ZBTB40: variants seen among roughly 807,000 people sequenced by gnomAD.
The protein encoded by ZBTB40 is zinc finger and BTB domain-containing protein 40.
A neutral mutation model predicts 117.5 loss-of-function variants in ZBTB40; 60 were observed. That is an observed-to-expected ratio of 0.51 (90% confidence interval 0.41 to 0.63). ZBTB40 has a LOEUF of 0.63. Among genes scored for constraint, ZBTB40 ranks in the 30% least tolerant of loss-of-function variants. The pLI is 0.00. For synonymous variants in ZBTB40, 525 were observed against 577.1 expected, an observed-to-expected ratio of 0.91 and a Z score of 1.29; for missense variants, 1,287 against 1,498.5, an observed-to-expected ratio of 0.86 and a Z score of 2.33.
intron 14 of ZBTB40, among the ~76,000 whole-genome samples, chr1:22,520,797 T>A (rs1250336470): frequency 1.3e-5 from 2 of 152,206 alleles, no homozygotes; most frequent in Non-Finnish European, 2.9e-5. Flanking sequence ...AAAAGAATGG[T>A]CCTTGTGGCA....
At position 22,524,353 on chromosome 1, in the gene ZBTB40, C is replaced by T. The variant is rs1639618785; in HGVS notation, c.3434C>T (p.Thr1145Ile). 1 of 1,614,186 alleles carries T rather than the reference C, an allele frequency of 6.2e-7. No homozygotes were observed. Among genetic ancestry groups the T allele is most frequent in the East Asian group, 2.2e-5 (1 of 44,882 alleles). The change falls in exon 17 of 18, where the codon ACC becomes ATC. Residue 1145 changes from threonine to isoleucine, a missense_variant. Coordinates refer to ENST00000375647, the MANE Select transcript of ZBTB40 (RefSeq NM_014870.4). ...FPCELCGELFTSQAQLDSHLE... is the reference protein window; with the variant it reads ...FPCELCGELFISQAQLDSHLE... ...TGTGAGCTCTGTGGGGAACTCTTCA[C>T]CTCCCAGGCCCAGCTTGACAGTCAC...
rs996334540 is a variant in ZBTB40 at position 22,511,272 on chromosome 1, A to G, written c.1927A>G (p.Ile643Val). The change falls in exon 10 of 18, where the codon ATA (isoleucine) becomes GTA (valine). Residue 643 changes from isoleucine (I) to valine (V), a missense_variant. Transcript: ENST00000375647. ...AMEKSVPAIE[I>V]CHLLCSVHKS... ...GGAAAAATCAGTCCCGGCCATTGAA[A>G]TATGCCACCTCCTGTGCAGTGTCCA... 4 of 1,613,904 alleles carry G rather than the reference A, an allele frequency of 2.5e-6. No individual in the cohort carries two copies. The Admixed American group carries it at 5.0e-5, about 20-fold the overall frequency.
upstream of ZBTB40, among the ~76,000 whole-genome samples, chr1:22,450,369 G>A (rs1206732422): frequency 6.6e-6 from 1 of 152,202 alleles, no homozygotes; most frequent in Non-Finnish European, 1.5e-5. Flanking sequence ...GTGGAAATGA[G>A]GGCTTAGGAG....
chr1:22,473,122 ATTG>A (rs1311426335), intron 1 of ZBTB40, among the ~76,000 whole-genome samples: 2 of 152,188 alleles, frequency 1.3e-5, no homozygotes, highest in East Asian at 3.8e-4. Context: ...GAGATTAGGT[ATTG>A]TTGTACAGCA....
rs1341621265 is a variant in ZBTB40, at chr1:22,513,216, C to T, written c.2668+86C>T. The T allele has an allele frequency of 2.9e-5, 42 of 1,440,250 alleles. No homozygotes were observed. The highest frequency in any genetic ancestry group is 2.2e-4 in the Middle Eastern group (1 of 4,592). The allele number at this position is 1,440,250 out of a possible 1,614,324, so 89.2% of individuals were successfully genotyped here. A position where few individuals can be genotyped will look rare whatever the true frequency, so the allele number is the denominator to read the frequency against. The stretch of plus-strand genomic sequence containing the variant: ...TTTGGATTAGGTGTGATATATATCT[C>T]AAAAACAAAACAATTTGATAGCACA... On this transcript the variant is annotated intron_variant, in intron 12 of 17. Transcript: ENST00000375647. This position sits in a 1 kb window ranked among gnomAD's most constrained non-coding sequence, Gnocchi z 4.9.
intron 1 of ZBTB40, among the ~76,000 whole-genome samples, chr1:22,468,268 G>A (rs1022273214): frequency 3.3e-5 from 5 of 152,006 alleles, no homozygotes; most frequent in African/African-American, 9.7e-5. Flanking sequence ...GTTCAAGTTA[G>A]TTCTGCCAAA....
At position 22,520,077 on chromosome 1, in the gene ZBTB40, T is replaced by C. The variant is rs756932706; in HGVS notation, c.2850T>C (p.Tyr950=). 2.2e-5 allele frequency: 36 copies of C among 1,614,104 alleles called. No homozygotes were observed. The highest frequency in any genetic ancestry group is 2.9e-5 in the Non-Finnish European group (34 of 1,180,032). Residue 950 remains tyrosine, a synonymous_variant, in exon 14 of 18, where the codon TAT becomes TAC. Transcript: ENST00000375647. ...TGAAACTAGACATAGAAGATCCTTA[T>C]GACTGCAAGAAGTGCAGGATGAGTT... ...LHTFHNIEDP[Y]DCKKCRMSFP... is the part of the protein sequence containing the mutation.
At chr1:22,499,546 G>A (rs371229768) in intron 3 of ZBTB40, among the ~76,000 whole-genome samples, 2 of 152,118 alleles carry the variant, frequency 1.3e-5, no homozygotes, top group African/African-American at 2.4e-5. Context: ...TTCAACTGAC[G>A]TCTTCATTTT....
chr1:22,471,486 A>G (rs1641402775), intron 1 of ZBTB40, among the ~76,000 whole-genome samples: 1 of 152,242 alleles, frequency 6.6e-6, no homozygotes, highest in South Asian at 2.1e-4. Flanking sequence ...CTTGCTTGAC[A>G]TTAGTTTCCT....
At chr1:22,465,420 G>T (rs1641230320) in intron 1 of ZBTB40, among the ~76,000 whole-genome samples, 1 of 152,172 alleles carries the variant, frequency 6.6e-6, no homozygotes, top group Non-Finnish European at 1.5e-5. Context: ...TGCGGTATGT[G>T]CCAGTTGGCC....
At position 22,513,054 on chromosome 1, in the gene ZBTB40, C is replaced by A. The variant is rs1405571580; in HGVS notation, c.2592C>A (p.Phe864Leu). The change falls in exon 12 of 18, where the codon TTC becomes TTA. Residue 864 changes from phenylalanine (F) to leucine (L), a missense_variant. Phe to Leu is a conservative substitution (Grantham distance 22, BLOSUM62 0). Coordinates refer to ENST00000375647, the MANE Select transcript of ZBTB40 (RefSeq NM_014870.4). This position sits in a 1 kb window ranked among gnomAD's most constrained non-coding sequence, Gnocchi z 4.9. Reference sequence around the variant, plus strand: ...GCCTTCACACCGGGGACCGCCCGTTCATGTGCAAGCACTGCCTCATGACCT... The same window carrying A: ...GCCTTCACACCGGGGACCGCCCGTTAATGTGCAAGCACTGCCTCATGACCT... Reference protein sequence around the residue: ...HLRLHTGDRPFMCKHCLMTFT... With the variant: ...HLRLHTGDRPLMCKHCLMTFT... 6.2e-7 allele frequency: 1 copy of A among 1,614,066 alleles called. No individual in the cohort carries two copies. Among genetic ancestry groups the A allele is most frequent in the African/African-American group, 1.3e-5 (1 of 74,920 alleles).
intron 5 of ZBTB40, among the ~76,000 whole-genome samples, chr1:22,503,715 A>G (rs1413473481): frequency 6.6e-6 from 1 of 152,260 alleles, no homozygotes; most frequent in East Asian, 1.9e-4. Flanking sequence ...TCTTAGAGAA[A>G]GAAAATATAC....
Position 22,491,401 on chromosome 1 carries a change from A to T in ZBTB40, c.699A>T (p.Gly233=), listed in dbSNP as rs776271492. Residue 233 remains glycine, a splice_region_variant and synonymous_variant, in exon 3 of 18, where the codon GGA becomes GGT. Transcript: ENST00000375647. The part of the protein sequence containing the change: ...SEAKKTSTEP[G]CERKHYQLNF... ...TGTTTTATTTTGTTCTACATTTAGG[A>T]TGTGAAAGGAAACACTACCAGCTGA... 6.2e-7 allele frequency: 1 copy of T among 1,613,782 alleles called. No homozygotes were observed. The highest frequency in any genetic ancestry group is 8.5e-7 in the Non-Finnish European group (1 of 1,179,840).
At chr1:22,448,749 G>T (rs977033221), upstream of ZBTB40, among the ~76,000 whole-genome samples, 11 of 152,166 alleles carry the variant, frequency 7.2e-5, no homozygotes, top group Non-Finnish European at 1.6e-4. Flanking sequence ...GGAAGAAAGA[G>T]TGAGATAAAT....
chr1:22,432,856 T>C (rs1398140767), intron 1 of ZBTB40, among the ~76,000 whole-genome samples: 1 of 152,242 alleles, frequency 6.6e-6, no homozygotes, highest in Non-Finnish European at 1.5e-5. Context: ...CCAGAGCCAA[T>C]TCTGGTCACA....
chr1:22,435,323 G>T (rs1202000542), intron 1 of ZBTB40, among the ~76,000 whole-genome samples: 1 of 152,106 alleles, frequency 6.6e-6, no homozygotes, highest in Non-Finnish European at 1.5e-5. Context: ...ATATTTTGAA[G>T]CATATACATT....
At chr1:22,482,626 C>T (rs116174700) in intron 1 of ZBTB40, among the ~76,000 whole-genome samples, 2,766 of 152,192 alleles carry the variant, frequency 0.018, 69 homozygotes, top group Admixed American at 0.064. Flanking sequence ...CCTAAAAATC[C>T]TCTGTGCTTT....
chr1:22,485,462 A>G (rs1033538234), intron 1 of ZBTB40, among the ~76,000 whole-genome samples: 2 of 152,162 alleles, frequency 1.3e-5, no homozygotes, highest in African/African-American at 4.8e-5. Context: ...TATATGGGGT[A>G]TACAGTGATA....
At chr1:22,436,562 C>T (rs538912304) in intron 1 of ZBTB40, among the ~76,000 whole-genome samples, 1 of 152,140 alleles carries the variant, frequency 6.6e-6, no homozygotes, top group East Asian at 1.9e-4. Context: ...AAACTTTATT[C>T]ATAATACCTG....
Sources: gnomAD v4.1 joint callset for allele counts (sites outside exome capture counted in the v4.1 genomes callset) on GRCh38, gnomAD v4.1.1 for gene constraint, Gnocchi (gnomAD v3.1) non-coding constraint, MANE v1.5 for transcripts, NCBI Gene and HGNC (gene_info 2026-07-23, HGNC 2026-07-21) for gene names.